HDGFL2: variants seen among roughly 807,000 people sequenced by gnomAD.
The protein encoded by HDGFL2 is HDGF like 2, also known as hepatoma-derived growth factor-related protein 2.
A neutral mutation model predicts 77.1 loss-of-function variants in HDGFL2; 36 were observed. That is an observed-to-expected ratio of 0.47 (90% CI 0.36 to 0.62). The LOEUF (loss-of-function observed/expected upper bound fraction) is 0.62, where lower values mean the gene tolerates loss of function less well. Among genes scored for constraint, HDGFL2 ranks in the 20% least tolerant of loss-of-function variants. The pLI, the probability that HDGFL2 is intolerant of heterozygous loss-of-function variation, is 0.00. For missense variants in HDGFL2, 976 were observed against 973.4 expected, an observed-to-expected ratio of 1.00 and a Z score of -0.04; for synonymous variants, 463 against 413.1, an observed-to-expected ratio of 1.12 and a Z score of -1.46.
chr19:4,497,833 C>G, intron 10 of HDGFL2, 125 bp from the exon 11 acceptor site: 1 of 839,596 alleles, frequency 1.2e-6, no homozygotes, highest in Non-Finnish European at 1.9e-6. Context: ...CGTTTCCCGG[C>G]TTAGCTCCCA....
chr19:4,477,150 G>T (rs563524271), intron 3 of HDGFL2, among the ~76,000 whole-genome samples: 11 of 152,190 alleles, frequency 7.2e-5, no homozygotes, highest in Non-Finnish European at 1.5e-4. Context: ...CCTTTGTTTC[G>T]GCCTGGGCTG....
intron 13 of HDGFL2, among the ~76,000 whole-genome samples, 170 bp downstream of exon 13, chr19:4,499,085 C>T (rs563646162): frequency 2.0e-5 from 3 of 152,236 alleles, no homozygotes; most frequent in East Asian, 1.9e-4. Context: ...TGGTGGCTCA[C>T]GCCTGTAATC....
At chr19:4,473,167 G>C (rs552584460) in intron 1 of HDGFL2, among the ~76,000 whole-genome samples, 4 of 150,044 alleles carry the variant, frequency 2.7e-5, no homozygotes, top group Non-Finnish European at 5.9e-5. Flanking sequence ...CTCACTCTGG[G>C]GGAATGGCGG....
At chr19:4,482,934 G>C (rs997056544) in intron 3 of HDGFL2, among the ~76,000 whole-genome samples, 6 of 152,018 alleles carry the variant, frequency 3.9e-5, no homozygotes, top group African/African-American at 1.4e-4. Flanking sequence ...TGGAGGGAGC[G>C]ACCAGGAAGG....
chr19:4,491,689 C>CAGTG lies in HDGFL2; in HGVS notation c.606+8_606+11dup. 1 of 1,613,870 alleles carries CAGTG rather than the reference C, an allele frequency of 6.2e-7. No individual in the cohort carries two copies. The highest frequency in any genetic ancestry group is 8.5e-7 in the Non-Finnish European group (1 of 1,179,822). On this transcript the variant is annotated splice_region_variant and intron_variant, in intron 5 of 15. Coordinates refer to ENST00000616600, the MANE Select transcript of HDGFL2 (RefSeq NM_001001520.3). ...GGAGAAGACCAGCGACCAGGTGGGC[C>CAGTG]AGTGGCTCCTTGGGATGGCAGGGAA...
At chr19:4,492,293 T>A (rs1315535524) in intron 6 of HDGFL2, among the ~76,000 whole-genome samples, 1 of 151,988 alleles carries the variant, frequency 6.6e-6, no homozygotes, top group South Asian at 2.1e-4. Context: ...AGTGTGTGTG[T>A]AGATTGTGCA....
chr19:4,493,212 T>G, intron 6 of HDGFL2, among the ~76,000 whole-genome samples: 1 of 142,796 alleles, frequency 7.0e-6, no homozygotes, highest in Non-Finnish European at 1.5e-5. Context: ...CTGTGCGGTG[T>G]GTGTGGTGTG....
At chr19:4,501,038 G>A (rs1975860012) in intron 14 of HDGFL2, among the ~76,000 whole-genome samples, 153 bp from the exon 15 acceptor site, 1 of 152,220 alleles carries the variant, frequency 6.6e-6, no homozygotes. Flanking sequence ...TCAGGAGCTT[G>A]CAGACTGGAC....
At chr19:4,485,674 G>A (rs1330120995) in intron 3 of HDGFL2, among the ~76,000 whole-genome samples, 8 of 151,738 alleles carry the variant, frequency 5.3e-5, no homozygotes, top group Admixed American at 2.6e-4. Context: ...CCCAGCAGGC[G>A]GAGCTTGCAG....
intron 3 of HDGFL2, 67 bp downstream of exon 3, chr19:4,475,650 G>A: frequency 1.3e-6 from 2 of 1,510,258 alleles, no homozygotes; most frequent in Admixed American, 2.3e-5. Context: ...CTCCAGTTAG[G>A]GTCTCTCCCC....
chr19:4,487,051 T>A (rs1409681551), intron 3 of HDGFL2, among the ~76,000 whole-genome samples: 1 of 151,790 alleles, frequency 6.6e-6, no homozygotes, highest in East Asian at 1.9e-4. Flanking sequence ...CTGCAACCTC[T>A]GCTTCCTGGG....
intron 3 of HDGFL2, among the ~76,000 whole-genome samples, chr19:4,481,939 C>T (rs1975228711): frequency 6.6e-6 from 1 of 151,868 alleles, no homozygotes; most frequent in Non-Finnish European, 1.5e-5. Flanking sequence ...TAGTCACACC[C>T]CCTGCCCTGA....
intron 3 of HDGFL2, among the ~76,000 whole-genome samples, chr19:4,483,721 C>G (rs1157797451): frequency 6.6e-6 from 1 of 152,040 alleles, no homozygotes; most frequent in Non-Finnish European, 1.5e-5. Context: ...CATGCGTGCC[C>G]CACTCCAGCC....
chr19:4,492,510 GTGTC>G (rs770319141), intron 6 of HDGFL2, among the ~76,000 whole-genome samples: 7 of 151,974 alleles, frequency 4.6e-5, no homozygotes, highest in Non-Finnish European at 1.0e-4. Context: ...ATGTATCTAT[GTGTC>G]TGTGTTTGTG....
At chr19:4,485,920 G>A (rs1047608841) in intron 3 of HDGFL2, among the ~76,000 whole-genome samples, 2 of 144,526 alleles carry the variant, frequency 1.4e-5, no homozygotes, top group African/African-American at 5.1e-5. Flanking sequence ...AGGTGTGGTG[G>A]TGCAAACCTG....
intron 9 of HDGFL2, among the ~76,000 whole-genome samples, chr19:4,495,027 CTT>C (rs1568215252): frequency 6.6e-6 from 1 of 152,116 alleles, no homozygotes; most frequent in Non-Finnish European, 1.5e-5. Flanking sequence ...GGGGGTTTCT[CTT>C]TTAAATAGAG....
intron 14 of HDGFL2, among the ~76,000 whole-genome samples, chr19:4,500,451 A>C: frequency 1.1e-5 from 1 of 90,826 alleles, no homozygotes; most frequent in Non-Finnish European, 2.1e-5. Context: ...ATGCCCTGCT[A>C]ATTTTTTTTT....
chr19:4,475,404 GCCT>G (rs1272399475), intron 2 of HDGFL2, 38 bp from the exon 3 acceptor site: 9 of 1,613,892 alleles, frequency 5.6e-6, no homozygotes, highest in Non-Finnish European at 7.6e-6. Context: ...TCCCGGGGTG[GCCT>G]CACTCACCTG....
intron 6 of HDGFL2, among the ~76,000 whole-genome samples, chr19:4,492,868 GTGTGT>G (rs1975562610): frequency 6.9e-6 from 1 of 145,702 alleles, no homozygotes; most frequent in Non-Finnish European, 1.5e-5. Context: ...TGTGTGTGGT[GTGTGT>G]GGTGTGGTGT....
Sources: gnomAD v4.1 joint callset for allele counts (sites outside exome capture counted in the v4.1 genomes callset) on GRCh38, gnomAD v4.1.1 for gene constraint, MANE v1.5 for transcripts, NCBI Gene and HGNC (gene_info 2026-07-23, HGNC 2026-07-21) for gene names.